The following ANAPC10 variants were observed in gnomAD, a reference collection of about 807,000 sequenced individuals.
ANAPC10 encodes the protein anaphase-promoting complex subunit 10.
A neutral mutation model predicts 22.0 loss-of-function variants in ANAPC10; 12 were observed. The ratio of observed to expected loss-of-function variants is 0.55; its 90% CI spans 0.35 to 0.88. The LOEUF (loss-of-function observed/expected upper bound fraction) is 0.88. Among genes scored for constraint, ANAPC10 ranks in the 40% least tolerant of loss-of-function variants. ANAPC10 has a pLI of 0.01. For missense variants in ANAPC10, 188 were observed against 220.9 expected (o/e 0.85, Z 0.94); for synonymous variants, 65 against 69.5 (o/e 0.94, Z 0.32).
At chr4:145,052,114 G>C (rs897377774) in intron 4 of ANAPC10, among the ~76,000 whole-genome samples, 1 of 152,102 alleles carries the variant, frequency 6.6e-6, no homozygotes, top group African/African-American at 2.4e-5. Context: ...GGGAGTAAGG[G>C]GGACAGTTGG....
intron 2 of ANAPC10, among the ~76,000 whole-genome samples, chr4:145,091,400 T>G (rs528162828): frequency 6.6e-6 from 1 of 152,300 alleles, no homozygotes; most frequent in Non-Finnish European, 1.5e-5. Context: ...ACCAGTCTAG[T>G]CATACTAATA....
chr4:145,081,541 G>T, intron 3 of ANAPC10, 119 bp downstream of exon 3: 2 of 612,870 alleles, frequency 3.3e-6, no homozygotes, highest in Non-Finnish European at 5.6e-6. Flanking sequence ...TAAGACTTCA[G>T]AGTTTAAAAA....
intron 4 of ANAPC10, among the ~76,000 whole-genome samples, chr4:145,028,098 T>A (rs988841973): frequency 4.6e-5 from 7 of 152,134 alleles, no homozygotes; most frequent in African/African-American, 1.7e-4. Context: ...GGTGTGATGG[T>A]TAATACCGAG....
At chr4:145,041,808 G>T (rs1036468517) in intron 4 of ANAPC10, among the ~76,000 whole-genome samples, 2 of 152,080 alleles carry the variant, frequency 1.3e-5, no homozygotes, top group South Asian at 2.1e-4. Context: ...ATAATTAAAA[G>T]ATTCATACAA....
chr4:145,097,905 T>C (rs949077153), intron 1 of ANAPC10: 14 of 241,076 alleles, frequency 5.8e-5, no homozygotes, highest in African/African-American at 2.7e-4. Context: ...TGAGAGGAAG[T>C]TGAGGCCTAG....
At chr4:145,087,233 CT>C (rs1283235202) in intron 2 of ANAPC10, among the ~76,000 whole-genome samples, 2 of 152,180 alleles carry the variant, frequency 1.3e-5, no homozygotes, top group Admixed American at 1.3e-4. Flanking sequence ...AGCAAGAGCA[CT>C]AACACAACAC....
chr4:145,074,600 A>G (rs2126542024), intron 3 of ANAPC10, among the ~76,000 whole-genome samples: 1 of 152,288 alleles, frequency 6.6e-6, no homozygotes, highest in South Asian at 2.1e-4. Flanking sequence ...GCTATTTCAC[A>G]AAAAAAGCAT....
At chr4:145,011,069 C>T (rs949130024) in intron 4 of ANAPC10, among the ~76,000 whole-genome samples, 37 of 151,910 alleles carry the variant, frequency 2.4e-4, no homozygotes, top group Non-Finnish European at 4.1e-4. Context: ...CAGTGGCTCA[C>T]GTCTGTAATC....
intron 3 of ANAPC10, among the ~76,000 whole-genome samples, chr4:145,066,180 T>C (rs1359071999): frequency 1.3e-5 from 2 of 152,134 alleles, no homozygotes; most frequent in African/African-American, 4.8e-5. Context: ...CAAACTTCTG[T>C]AGCCTAAGCT....
At chr4:145,048,278 T>C (rs1252105326) in intron 4 of ANAPC10, among the ~76,000 whole-genome samples, 1 of 152,162 alleles carries the variant, frequency 6.6e-6, no homozygotes, top group Non-Finnish European at 1.5e-5. Flanking sequence ...GTAATGTCCT[T>C]GTGCTAACCA....
intron 4 of ANAPC10, among the ~76,000 whole-genome samples, chr4:145,049,650 G>A (rs775143501): frequency 2.6e-5 from 4 of 152,024 alleles, no homozygotes; most frequent in Non-Finnish European, 4.4e-5. Context: ...CATGATCATG[G>A]CTCACTGGAA....
chr4:145,049,564 C>T (rs745814866), intron 4 of ANAPC10, among the ~76,000 whole-genome samples: 7 of 152,066 alleles, frequency 4.6e-5, no homozygotes, highest in Admixed American at 3.3e-4. Context: ...GCAATTTGGT[C>T]GCATCTTCAG....
chr4:145,093,271 C>G (rs1015816277), intron 2 of ANAPC10, among the ~76,000 whole-genome samples: 1 of 152,086 alleles, frequency 6.6e-6, no homozygotes, highest in African/African-American at 2.4e-5. Flanking sequence ...GAATTTGAAG[C>G]CTGTGAGACA....
chr4:145,047,285 G>T (rs1478175714), intron 4 of ANAPC10, among the ~76,000 whole-genome samples: 1 of 152,036 alleles, frequency 6.6e-6, no homozygotes, highest in Non-Finnish European at 1.5e-5. Context: ...TCACCCTTCT[G>T]TCCTACTCTG....
chr4:145,068,981 TACA>T (rs1034731710), intron 3 of ANAPC10, among the ~76,000 whole-genome samples: 1 of 152,184 alleles, frequency 6.6e-6, no homozygotes, highest in African/African-American at 2.4e-5. Context: ...CGCGGAAGAC[TACA>T]ACAACAAAGA....
chr4:145,016,316 T>C (rs1436482200), intron 4 of ANAPC10, among the ~76,000 whole-genome samples: 1 of 152,154 alleles, frequency 6.6e-6, no homozygotes, highest in Non-Finnish European at 1.5e-5. Context: ...AGCATTCTTA[T>C]ACACCAATAA....
At chr4:145,071,483 C>T (rs2126521912) in intron 3 of ANAPC10, among the ~76,000 whole-genome samples, 1 of 152,244 alleles carries the variant, frequency 6.6e-6, no homozygotes, top group African/African-American at 2.4e-5. Flanking sequence ...AAAATCTTTA[C>T]TGTTTATTAC....
chr4:145,057,363 CTAGA>C (rs988798672), intron 4 of ANAPC10, among the ~76,000 whole-genome samples: 1 of 152,066 alleles, frequency 6.6e-6, no homozygotes, highest in Non-Finnish European at 1.5e-5. Flanking sequence ...CCCTATCTGC[CTAGA>C]TAATCCTGAC....
At chr4:145,033,812 A>T (rs1258133768) in intron 4 of ANAPC10, among the ~76,000 whole-genome samples, 1 of 152,240 alleles carries the variant, frequency 6.6e-6, no homozygotes, top group East Asian at 1.9e-4. Flanking sequence ...GACCAGCTGC[A>T]GAAATGAGGA....
Sources: gnomAD v4.1 joint callset for allele counts (sites outside exome capture counted in the v4.1 genomes callset) on GRCh38, gnomAD v4.1.1 for gene constraint, MANE v1.5 for transcripts, NCBI Gene and HGNC (gene_info 2026-07-23, HGNC 2026-07-21) for gene names.